The following TMEM238L variants were observed in gnomAD, a reference collection of about 807,000 sequenced individuals.
TMEM238L encodes the protein transmembrane protein 238 like.
chr17:10,796,167 C>CA (rs1904535844), intron 1 of TMEM238L, among the ~76,000 whole-genome samples: 2 of 152,190 alleles, frequency 1.3e-5, no homozygotes, highest in Admixed American at 6.5e-5. Context: ...ATCCCGCACT[C>CA]ACAGAGTTGT....
exon 1 of TMEM238L, chr17:10,803,762 G>A: frequency 2.5e-6 from 1 of 399,682 alleles, no homozygotes; most frequent in Non-Finnish European, 4.4e-6. Context: ...TCAATGTTGA[G>A]GGAATACCAG....
At chr17:10,800,080 C>T (rs573285336) in intron 1 of TMEM238L, among the ~76,000 whole-genome samples, 4 of 152,152 alleles carry the variant, frequency 2.6e-5, no homozygotes, top group African/African-American at 4.8e-5. Context: ...TACAGGCACC[C>T]GCCACCATGC....
rs75188182 is a variant in TMEM238L, at chr17:10,803,754, A to C, written c.210T>G (p.Ile70Met). ...GGTCCAGTTTTTCAGGAGACACCTC[A>C]ATGTTGAGGGAATACCAGATGATCC... is the stretch of plus-strand genomic sequence containing the variant. Residue 70 changes from isoleucine (I) to methionine (M), a missense_variant, in exon 1 of 2, where the codon ATT (isoleucine) becomes ATG (methionine). Transcript: ENST00000581851. 3.1e-3 allele frequency: 1,250 copies of C among 399,654 alleles called. 16 individuals are homozygous for C. The highest frequency in any genetic ancestry group is 0.023 in the African/African-American group (1,124 of 48,742). 24.8% of individuals were successfully genotyped at this position (399,654 alleles called of 1,614,324 possible).
intron 1 of TMEM238L, among the ~76,000 whole-genome samples, chr17:10,796,799 G>A (rs984311103): frequency 2.0e-5 from 3 of 152,012 alleles, no homozygotes; most frequent in South Asian, 2.1e-4. Flanking sequence ...TCCTTTTCCC[G>A]TTCCCCACAT....
At chr17:10,801,886 A>G (rs1027518873) in intron 1 of TMEM238L, among the ~76,000 whole-genome samples, 9 of 152,064 alleles carry the variant, frequency 5.9e-5, no homozygotes, top group Admixed American at 1.3e-4. Context: ...GGCTCCAGCA[A>G]TCCTTCTGCC....
intron 1 of TMEM238L, among the ~76,000 whole-genome samples, chr17:10,796,279 C>T (rs931462635): frequency 3.9e-5 from 6 of 152,238 alleles, no homozygotes; most frequent in African/African-American, 1.4e-4. Context: ...GCAGGCAAAG[C>T]CGATGCCTAC....
chr17:10,799,284 G>A (rs1031946022), intron 1 of TMEM238L, among the ~76,000 whole-genome samples: 8 of 152,316 alleles, frequency 5.3e-5, no homozygotes, highest in Admixed American at 2.6e-4. Flanking sequence ...TGCAATCTCC[G>A]CCTCTCAGGT....
chr17:10,800,548 G>A (rs1247885310), intron 1 of TMEM238L, among the ~76,000 whole-genome samples: 2 of 152,168 alleles, frequency 1.3e-5, no homozygotes, highest in African/African-American at 2.4e-5. Flanking sequence ...ATCGTAATGC[G>A]TCAGGGCCTC....
At chr17:10,795,482 G>A (rs11078863) in exon 2 of TMEM238L, 43,607 of 152,172 alleles carry the variant, frequency 0.29, 6,414 homozygotes, top group Middle Eastern at 0.39. Context: ...AGATACAGTG[G>A]AACCCTCCAG....
At chr17:10,801,770 C>T (rs1181552368) in intron 1 of TMEM238L, among the ~76,000 whole-genome samples, 1 of 151,848 alleles carries the variant, frequency 6.6e-6, no homozygotes, top group Non-Finnish European at 1.5e-5. Context: ...AGTAGAGCCC[C>T]CACGTCATGT....
At chr17:10,803,703 TCTC>T (rs1448745516) in exon 1 of TMEM238L, 6 of 398,940 alleles carry the variant, frequency 1.5e-5, no homozygotes, top group South Asian at 2.6e-4. Context: ...CTGCGTCTCT[TCTC>T]CTCTTCCCAT....
intron 1 of TMEM238L, among the ~76,000 whole-genome samples, chr17:10,801,339 T>A (rs997426887): frequency 6.6e-6 from 1 of 152,132 alleles, no homozygotes; most frequent in Non-Finnish European, 1.5e-5. Context: ...CACCCAGCCC[T>A]CAGTGGATTC....
exon 1 of TMEM238L, chr17:10,803,650 T>C (rs941375605): frequency 2.5e-6 from 1 of 398,098 alleles, no homozygotes; most frequent in African/African-American, 2.1e-5. Context: ...AACGTGTTGC[T>C]GCCCAAGAGC....
intron 1 of TMEM238L, among the ~76,000 whole-genome samples, chr17:10,799,065 T>C (rs981691256): frequency 9.2e-5 from 14 of 152,196 alleles, no homozygotes; most frequent in Non-Finnish European, 1.6e-4. Context: ...CACCCTGCCC[T>C]CTCTCTGGAG....
At chr17:10,800,590 T>C (rs1220108365) in intron 1 of TMEM238L, among the ~76,000 whole-genome samples, 1 of 152,224 alleles carries the variant, frequency 6.6e-6, no homozygotes, top group Non-Finnish European at 1.5e-5. Context: ...ACCTGCATCG[T>C]GACTGACGCT....
intron 1 of TMEM238L, among the ~76,000 whole-genome samples, chr17:10,798,554 G>A (rs1439478748): frequency 6.6e-6 from 1 of 152,180 alleles, no homozygotes; most frequent in Non-Finnish European, 1.5e-5. Context: ...CATTTTCCAA[G>A]GCTCAAGGCT....
chr17:10,795,832 C>T (rs555423036), exon 2 of TMEM238L: 1 of 152,368 alleles, frequency 6.6e-6, no homozygotes, highest in Admixed American at 6.5e-5. Flanking sequence ...CGGACATCCT[C>T]GTGAGTACTT....
chr17:10,796,565 G>A (rs536293135), intron 1 of TMEM238L, among the ~76,000 whole-genome samples: 133 of 152,278 alleles, frequency 8.7e-4, no homozygotes, highest in Admixed American at 2.2e-3. Flanking sequence ...CCGATAAGTA[G>A]CATCATCTGA....
intron 1 of TMEM238L, among the ~76,000 whole-genome samples, chr17:10,802,137 C>T (rs1904764163): frequency 6.6e-6 from 1 of 152,214 alleles, no homozygotes; most frequent in Non-Finnish European, 1.5e-5. Flanking sequence ...CACATTCCAA[C>T]ATACCAGCAC....
Sources: gnomAD v4.1 joint callset for allele counts (sites outside exome capture counted in the v4.1 genomes callset) on GRCh38, gnomAD v4.1.1 for gene constraint, MANE v1.5 for transcripts, NCBI Gene and HGNC (gene_info 2026-07-23, HGNC 2026-07-21) for gene names.